SPATS2: variants seen among roughly 807,000 people sequenced by gnomAD.
SPATS2 encodes spermatogenesis associated serine rich 2.
A neutral mutation model predicts 63.7 loss-of-function variants in SPATS2; 38 were observed. The ratio of observed to expected loss-of-function variants is 0.60; its 90% CI spans 0.46 to 0.78. The LOEUF (loss-of-function observed/expected upper bound fraction) is 0.78. SPATS2 is among the 30% of genes least tolerant of loss of function. SPATS2 has a pLI of 0.00. For synonymous variants in SPATS2, 207 were observed against 232.9 expected, an observed-to-expected ratio of 0.89 and a Z score of 1.01; for missense variants, 588 against 666.2, an observed-to-expected ratio of 0.88 and a Z score of 1.29.
At chr12:49,479,863 A>G (rs142581812) in intron 3 of SPATS2, among the ~76,000 whole-genome samples, 55 of 152,344 alleles carry the variant, frequency 3.6e-4, no homozygotes, top group Non-Finnish European at 5.3e-4. Flanking sequence ...GAACTAGTAT[A>G]TTTGGTGAGT....
In SPATS2 at chr12:49,406,834, C is replaced by T. The variant is rs938483364; in HGVS notation, c.-244+35544C>T. Among the ~76,000 whole-genome samples, 9 of 151,836 alleles carry T rather than the reference C, an allele frequency of 5.9e-5. No individual in the cohort carries two copies. In the East Asian group the frequency reaches 9.7e-4, roughly 16 times the overall value. On this transcript the variant is annotated intron_variant, in intron 2 of 13. Transcript: ENST00000552918. ...ACCTGTGAATGAAGTGAAAGTGAGG[C>T]GTTCTTATTCTTAAGGATTTTATAA...
chr12:49,428,877 A>G (rs1251714040), intron 2 of SPATS2, among the ~76,000 whole-genome samples: 4 of 152,204 alleles, frequency 2.6e-5, no homozygotes, highest in South Asian at 2.1e-4. Context: ...GGAGTTTTAT[A>G]TGTGTGTGTA....
chr12:49,391,697 A>G (rs1404456887), intron 2 of SPATS2, among the ~76,000 whole-genome samples: 1 of 152,170 alleles, frequency 6.6e-6, no homozygotes, highest in Non-Finnish European at 1.5e-5. Flanking sequence ...TTTATATTGA[A>G]GGCATATTAA....
intron 3 of SPATS2, among the ~76,000 whole-genome samples, chr12:49,481,032 A>T (rs2137812711): frequency 6.6e-6 from 1 of 152,290 alleles, no homozygotes; most frequent in South Asian, 2.1e-4. Flanking sequence ...AACAACTTTT[A>T]CCTAATTTTT....
At chr12:49,467,044 GTTTTTTTTTTT>G (rs59350335) in intron 3 of SPATS2, among the ~76,000 whole-genome samples, 1 of 75,778 alleles carries the variant, frequency 1.3e-5, no homozygotes, top group African/African-American at 5.1e-5. Context: ...TTTGTTCTTT[GTTTTTTTTTTT>G]TTTTTTTTTT....
intron 3 of SPATS2, among the ~76,000 whole-genome samples, chr12:49,480,795 GT>G (rs536886677): frequency 0.095 from 13,309 of 140,810 alleles, 659 homozygotes; most frequent in African/African-American, 0.13. Context: ...GTTGTTTTCT[GT>G]TTTTTTTTTT....
At chr12:49,516,133 C>A (rs1433254491) in intron 10 of SPATS2, among the ~76,000 whole-genome samples, 4 of 37,248 alleles carry the variant, frequency 1.1e-4, no homozygotes, top group African/African-American at 4.2e-4. Context: ...AGCAAGACTC[C>A]ATCTCAAAAA....
chr12:49,435,329 CT>C (rs1330738030), intron 2 of SPATS2, among the ~76,000 whole-genome samples: 195 of 120,200 alleles, frequency 1.6e-3, no homozygotes, highest in Middle Eastern at 7.1e-3. Flanking sequence ...TGTGCCTGGC[CT>C]TTTTTTTTTT....
chr12:49,395,967 G>C (rs1410786062), intron 2 of SPATS2, among the ~76,000 whole-genome samples: 1 of 152,196 alleles, frequency 6.6e-6, no homozygotes, highest in African/African-American at 2.4e-5. Flanking sequence ...CTGTGTGTTT[G>C]AGTATTTTAT....
At chr12:49,493,699 A>G (rs1041696971) in intron 6 of SPATS2, among the ~76,000 whole-genome samples, 2 of 152,042 alleles carry the variant, frequency 1.3e-5, no homozygotes, top group South Asian at 2.1e-4. Context: ...CACTGCACCC[A>G]CCCAATACAC....
chr12:49,428,773 G>A (rs1381627135), intron 2 of SPATS2, among the ~76,000 whole-genome samples: 1 of 152,120 alleles, frequency 6.6e-6, no homozygotes, highest in South Asian at 2.1e-4. Flanking sequence ...CTCCCTTTAT[G>A]GGTTAGAATC....
intron 3 of SPATS2, among the ~76,000 whole-genome samples, chr12:49,478,891 A>G (rs1405946860): frequency 6.6e-6 from 1 of 152,164 alleles, no homozygotes; most frequent in Non-Finnish European, 1.5e-5. Flanking sequence ...GAACAAGATG[A>G]AAGAGGAGCT....
chr12:49,431,249 C>CT (rs925791626), intron 2 of SPATS2, among the ~76,000 whole-genome samples: 63 of 147,572 alleles, frequency 4.3e-4, no homozygotes, highest in Admixed American at 8.8e-4. Context: ...ATATAAAGAA[C>CT]TTTTTTTTTT....
At chr12:49,516,495 C>A (rs1436097663) in intron 10 of SPATS2, among the ~76,000 whole-genome samples, 3 of 151,810 alleles carry the variant, frequency 2.0e-5, no homozygotes, top group Non-Finnish European at 1.5e-5. Flanking sequence ...ATCACGAGGT[C>A]AAGAGATCAA....
chr12:49,439,126 C>G (rs1235948594), intron 2 of SPATS2, among the ~76,000 whole-genome samples: 2 of 152,164 alleles, frequency 1.3e-5, no homozygotes, highest in Non-Finnish European at 2.9e-5. Flanking sequence ...GAGAACGATT[C>G]ATGTGAATCT....
chr12:49,486,185 T>TTTGTTGTTG, intron 4 of SPATS2: 1 of 451,052 alleles, frequency 2.2e-6, no homozygotes, highest in South Asian at 1.6e-5. Flanking sequence ...TTTGGTGCCT[T>TTTGTTGTTG]TTGTTGTTGT....
chr12:49,487,512 A>T (rs1027728780), intron 4 of SPATS2, among the ~76,000 whole-genome samples: 11 of 152,150 alleles, frequency 7.2e-5, no homozygotes, highest in African/African-American at 2.7e-4. Flanking sequence ...GTCAGTGGGA[A>T]GATTTATTCT....
chr12:49,398,678 A>G (rs972405269), intron 2 of SPATS2, among the ~76,000 whole-genome samples: 1 of 152,200 alleles, frequency 6.6e-6, no homozygotes, highest in African/African-American at 2.4e-5. Flanking sequence ...AATTTAATTG[A>G]TGGTATATTT....
chr12:49,472,082 G>C (rs1946043192), intron 3 of SPATS2, among the ~76,000 whole-genome samples: 1 of 152,092 alleles, frequency 6.6e-6, no homozygotes, highest in Non-Finnish European at 1.5e-5. Context: ...AGTCTATAGT[G>C]AGCCAAGGTT....
Sources: gnomAD v4.1 joint callset for allele counts (sites outside exome capture counted in the v4.1 genomes callset) on GRCh38, gnomAD v4.1.1 for gene constraint, MANE v1.5 for transcripts, NCBI Gene and HGNC (gene_info 2026-07-23, HGNC 2026-07-21) for gene names.